Variants in DLG2 observed in about 807,000 individuals in gnomAD.
DLG2 encodes the protein discs large MAGUK scaffold protein 2.
In DLG2, 45 loss-of-function variants were observed where a neutral mutation model predicts 132.5. The observed-to-expected ratio is 0.34, with a 90% CI of 0.27 to 0.44. The LOEUF (loss-of-function observed/expected upper bound fraction) is 0.44, where lower values mean the gene tolerates loss of function less well. Among genes scored for constraint, DLG2 ranks in the 20% least tolerant of loss-of-function variants. DLG2 has a pLI of 1.00. For synonymous variants in DLG2, 424 were observed against 419.6 expected (o/e 1.01, Z -0.13); for missense variants, 1,045 against 1,196.9 (o/e 0.87, Z 1.87).
intron 7 of DLG2, among the ~76,000 whole-genome samples, chr11:84,348,111 A>T (rs2098546921): frequency 6.6e-6 from 1 of 152,174 alleles, no homozygotes; most frequent in Non-Finnish European, 1.5e-5. Context: ...AATATCATAT[A>T]GTGTCACTCT....
At chr11:85,118,166 T>G (rs2073893696) in intron 5 of DLG2, among the ~76,000 whole-genome samples, 1 of 152,076 alleles carries the variant, frequency 6.6e-6, no homozygotes, top group Admixed American at 6.6e-5. Flanking sequence ...TTAAAATAAG[T>G]TGGCCTAATT....
Position 84,441,040 on chromosome 11 carries a change from T to C in DLG2, c.519+93530A>G, listed in dbSNP as rs75640927. Among the ~76,000 whole-genome samples the C allele has an allele frequency of 1.7e-3, 266 of 152,248 alleles. 6 individuals are homozygous for C. The East Asian group carries it at 0.048, about 28-fold the overall frequency. Reference sequence around the variant, plus strand: ...CTATTGAGACATAAGTAAGTTAATGTAAAAAATTAATTGTACAAAGATTTT... The same window carrying C: ...CTATTGAGACATAAGTAAGTTAATGCAAAAAATTAATTGTACAAAGATTTT... On this transcript the variant is annotated intron_variant, in intron 7 of 27. Coordinates refer to ENST00000376104, the MANE Select transcript of DLG2 (RefSeq NM_001142699.3).
intron 7 of DLG2, among the ~76,000 whole-genome samples, chr11:84,380,948 T>C (rs149404357): frequency 9.2e-4 from 140 of 152,068 alleles, no homozygotes; most frequent in African/African-American, 3.3e-3. Flanking sequence ...TGGAATCTGA[T>C]TCATATAGAA....
At chr11:84,065,363 T>G (rs1301383059) in intron 10 of DLG2, among the ~76,000 whole-genome samples, 1 of 151,894 alleles carries the variant, frequency 6.6e-6, no homozygotes, top group African/African-American at 2.4e-5. Context: ...GAACTTAAAT[T>G]TACAAGGAAA....
intron 3 of DLG2, among the ~76,000 whole-genome samples, chr11:85,520,273 T>C (rs2074187593): frequency 6.6e-6 from 1 of 152,016 alleles, no homozygotes; most frequent in Non-Finnish European, 1.5e-5. Context: ...ATGAAATATC[T>C]AGGAATACCT....
intron 7 of DLG2, among the ~76,000 whole-genome samples, chr11:84,340,807 C>A (rs990325225): frequency 2.1e-5 from 3 of 141,972 alleles, no homozygotes; most frequent in Non-Finnish European, 3.0e-5. Context: ...AAAATAAAAT[C>A]AAAAGTATGG....
intron 6 of DLG2, among the ~76,000 whole-genome samples, chr11:84,676,450 A>G (rs1421332367): frequency 6.6e-6 from 1 of 152,108 alleles, no homozygotes; most frequent in Non-Finnish European, 1.5e-5. Context: ...GTCTTTCCAA[A>G]GATCATATGG....
chr11:85,317,433 G>A (rs2080762191), intron 3 of DLG2, among the ~76,000 whole-genome samples: 1 of 151,848 alleles, frequency 6.6e-6, no homozygotes, highest in Admixed American at 6.6e-5. Flanking sequence ...TGCCCAGTAT[G>A]TAGCAGGCCC....
intron 18 of DLG2, among the ~76,000 whole-genome samples, chr11:83,763,746 C>G (rs184918182): frequency 6.6e-6 from 1 of 152,284 alleles, no homozygotes; most frequent in Admixed American, 6.5e-5. Context: ...CCCACATTAG[C>G]TGCATTTTAG....
chr11:83,958,602 C>G (rs1296183373), intron 14 of DLG2, among the ~76,000 whole-genome samples: 1 of 152,072 alleles, frequency 6.6e-6, no homozygotes, highest in Non-Finnish European at 1.5e-5. Flanking sequence ...TTTTACTTTG[C>G]ATTACCAATT....
chr11:84,446,269 T>C (rs1362421990), intron 7 of DLG2, among the ~76,000 whole-genome samples: 2 of 152,128 alleles, frequency 1.3e-5, no homozygotes, highest in African/African-American at 4.8e-5. Context: ...GTTTTTATTA[T>C]GATTTTTCTT....
intron 6 of DLG2, among the ~76,000 whole-genome samples, chr11:84,895,321 A>T (rs2090043693): frequency 6.6e-6 from 1 of 152,166 alleles, no homozygotes; most frequent in Admixed American, 6.6e-5. Context: ...TACAAATATG[A>T]TACTAGGCAC....
intron 7 of DLG2, among the ~76,000 whole-genome samples, chr11:84,452,959 A>T (rs2099055724): frequency 6.6e-6 from 1 of 151,704 alleles, no homozygotes; most frequent in African/African-American, 2.4e-5. Flanking sequence ...AAATACAGAA[A>T]AGATAAATAT....
At chr11:83,638,905 G>A (rs943021390) in intron 18 of DLG2, among the ~76,000 whole-genome samples, 4 of 152,202 alleles carry the variant, frequency 2.6e-5, no homozygotes, top group Non-Finnish European at 4.4e-5. Flanking sequence ...GGTCATAGGT[G>A]TGAACACCAC....
intron 6 of DLG2, among the ~76,000 whole-genome samples, chr11:84,843,301 A>T (rs1328448291): frequency 6.6e-6 from 1 of 151,762 alleles, no homozygotes; most frequent in Non-Finnish European, 1.5e-5. Context: ...AAAAAAAAAA[A>T]ACAGAGCAAG....
intron 6 of DLG2, among the ~76,000 whole-genome samples, chr11:84,615,611 A>G (rs2099602531): frequency 6.6e-6 from 1 of 151,614 alleles, no homozygotes; most frequent in South Asian, 2.1e-4. Context: ...TACAGCATAT[A>G]CTCTTCTAGT....
At chr11:83,784,651 T>C (rs998896103) in intron 18 of DLG2, among the ~76,000 whole-genome samples, 1 of 152,198 alleles carries the variant, frequency 6.6e-6, no homozygotes, top group Admixed American at 6.5e-5. Context: ...ACATATTGCT[T>C]AAAGGAAACC....
intron 6 of DLG2, among the ~76,000 whole-genome samples, chr11:84,925,280 A>G (rs557033833): frequency 6.6e-6 from 1 of 152,318 alleles, no homozygotes; most frequent in East Asian, 1.9e-4. Flanking sequence ...ATTAAATGAA[A>G]CAAGTTACAG....
At chr11:85,321,685 C>T (rs1415263758) in intron 3 of DLG2, among the ~76,000 whole-genome samples, 3 of 151,826 alleles carry the variant, frequency 2.0e-5, no homozygotes, top group Non-Finnish European at 4.4e-5. Context: ...TCCAGGAAGC[C>T]AAATAGAGTT....
Sources: allele counts gnomAD v4.1 joint callset (sites outside exome capture counted in the v4.1 genomes callset), GRCh38; gene constraint gnomAD v4.1.1; transcripts MANE v1.5; gene names NCBI Gene and HGNC (gene_info 2026-07-23, HGNC 2026-07-21).